The following HAUS4 variants were observed in gnomAD, a reference collection of about 807,000 sequenced individuals.
The protein encoded by HAUS4 is HAUS augmin-like complex subunit 4.
HAUS4 carries 34 observed loss-of-function variants against 50.6 expected under a neutral mutation model. The observed-to-expected ratio is 0.67, with a 90% CI of 0.51 to 0.90. The LOEUF is 0.90. HAUS4 is among the 40% of genes least tolerant of loss of function. HAUS4 has a pLI of 0.00. For missense variants in HAUS4, 370 were observed against 428.7 expected, an observed-to-expected ratio of 0.86 and a Z score of 1.21; for synonymous variants, 149 against 161.4, an observed-to-expected ratio of 0.92 and a Z score of 0.58.
intron 6 of HAUS4, among the ~76,000 whole-genome samples, chr14:22,949,685 C>T (rs542870283): frequency 4.6e-5 from 7 of 152,120 alleles, no homozygotes; most frequent in Non-Finnish European, 1.0e-4. Context: ...GTATTATACC[C>T]TCCAAGCTTA....
Position 22,946,595 on chromosome 14 carries a change from T to C in HAUS4, c.1022A>G (p.Tyr341Cys), listed in dbSNP as rs1423514907. ...CTCTGTTGCCTGCTTGAGTACGGTG[T>C]ACTCTTTCACCAGCCTGTCAAACTC... ...GEEFDRLVKE[Y>C]TVLKQATENK... is the part of the protein sequence containing the mutation. The change falls in exon 10 of 10, where the codon TAC becomes TGC. Residue 341 changes from tyrosine to cysteine, a missense_variant. Tyr to Cys is a radical substitution (Grantham distance 194). Coordinates refer to ENST00000541587, the MANE Select transcript of HAUS4 (RefSeq NM_001166269.2). The C allele has an allele frequency of 6.2e-7, 1 of 1,614,088 alleles. No homozygotes were observed.
intron 6 of HAUS4, chr14:22,948,215 A>G: frequency 1.8e-6 from 1 of 552,080 alleles, no homozygotes; most frequent in Non-Finnish European, 3.1e-6. Flanking sequence ...TTGGGAGGCC[A>G]AGGCAGGAGG....
chr14:22,950,038 G>A (rs1170015465), intron 6 of HAUS4, among the ~76,000 whole-genome samples: 2 of 150,486 alleles, frequency 1.3e-5, no homozygotes, highest in Non-Finnish European at 2.9e-5. Flanking sequence ...TGAGGCAGGA[G>A]AATCACTTGA....
intron 6 of HAUS4, among the ~76,000 whole-genome samples, 186 bp downstream of exon 6, chr14:22,950,128 C>CAAAAAAAAAAAAAACAAAAAAA (rs2044725046): frequency 8.9e-6 from 1 of 112,142 alleles, no homozygotes. Context: ...AACGCCATCT[C>CAAAAAAAAAAAAAACAAAAAAA]AAAAAAAAAA....
chr14:22,956,224 G>A (rs143326931), intron 1 of HAUS4, among the ~76,000 whole-genome samples: 131 of 152,278 alleles, frequency 8.6e-4, no homozygotes, highest in African/African-American at 2.9e-3. Context: ...TCGGCCGGCC[G>A]TTGCTTCTGA....
intron 5 of HAUS4, among the ~76,000 whole-genome samples, chr14:22,951,227 A>G (rs1035944227): frequency 6.7e-6 from 1 of 149,098 alleles, no homozygotes; most frequent in African/African-American, 2.5e-5. Flanking sequence ...CTGGTCTTGA[A>G]CTCCTGAACT....
In HAUS4 at chr14:22,957,071, C is replaced by T. The variant is rs1194501493; in HGVS notation, c.-178G>A. On this transcript the variant is annotated 5_prime_UTR_variant, in exon 1 of 10. Coordinates refer to ENST00000541587, the MANE Select transcript of HAUS4 (RefSeq NM_001166269.2). The stretch of plus-strand genomic sequence containing the variant: ...CGCAGGGGCTGGGGGAAGCGAGGCC[C>T]GGAAAGACCAAGCTGAAAGGCCCGG... The T allele has an allele frequency of 6.5e-6, 1 of 153,214 alleles. No individual in the cohort carries two copies. Among genetic ancestry groups the T allele is most frequent in the South Asian group, 2.1e-4 (1 of 4,874 alleles). 9.5% of individuals were successfully genotyped at this position (153,214 alleles called of 1,614,324 possible).
intron 6 of HAUS4, among the ~76,000 whole-genome samples, chr14:22,948,491 A>C (rs1179150914): frequency 6.6e-6 from 1 of 150,694 alleles, no homozygotes; most frequent in Non-Finnish European, 1.5e-5. Flanking sequence ...ATAATTATTA[A>C]ATAAATTATC....
In HAUS4 at chr14:22,951,610, G is replaced by A. The variant is rs370913624; in HGVS notation, c.410C>T (p.Pro137Leu). The A allele has an allele frequency of 4.3e-6, 7 of 1,613,938 alleles. No homozygotes were observed. The highest frequency in any genetic ancestry group is 1.3e-5 in the African/African-American group (1 of 74,916). ...LLGPSQEREI[P>L]PLLGLEKADL... The stretch of plus-strand genomic sequence containing the variant: ...CGCTTTCTCCAGCCCCAGCAGTGGA[G>A]GTATCTCCCTCTCCTGGCTAGGACC... Residue 137 changes from proline to leucine, a missense_variant, in exon 5 of 10, where the codon CCT becomes CTT. Physicochemically the swap from Pro to Leu is moderately conservative, Grantham distance 98. Coordinates refer to ENST00000541587, the MANE Select transcript of HAUS4 (RefSeq NM_001166269.2).
At chr14:22,949,511 A>G (rs1340061300) in intron 6 of HAUS4, among the ~76,000 whole-genome samples, 3 of 142,292 alleles carry the variant, frequency 2.1e-5, no homozygotes, top group Non-Finnish European at 4.6e-5. Flanking sequence ...CCTGGGGGAC[A>G]GAGCGAGACT....
intron 2 of HAUS4, among the ~76,000 whole-genome samples, chr14:22,953,269 G>T (rs2044791995): frequency 6.6e-6 from 1 of 151,214 alleles, no homozygotes; most frequent in African/African-American, 2.4e-5. Context: ...TCCACCTCCT[G>T]AGGAGCTGAG....
chr14:22,953,523 G>A (rs2044797945), intron 2 of HAUS4, among the ~76,000 whole-genome samples: 1 of 152,126 alleles, frequency 6.6e-6, no homozygotes, highest in South Asian at 2.1e-4. Flanking sequence ...TCGGCTCACT[G>A]CAATTTCCAC....
intron 9 of HAUS4, 73 bp from the exon 10 acceptor site, chr14:22,946,781 C>A: frequency 5.9e-5 from 35 of 596,690 alleles, no homozygotes; most frequent in Non-Finnish European, 8.2e-5. Flanking sequence ...AAATGAAAAA[C>A]TTTTTTTTTT....
rs1017838364 is a variant in HAUS4, at chr14:22,948,991, C to T, written c.563-978G>A. 6.0e-5 allele frequency among the ~76,000 whole-genome samples: 9 copies of T among 150,180 alleles called. No homozygotes were observed. In the East Asian group the frequency reaches 6.2e-4, roughly 10 times the overall value. ...CCAACATGGTGAAAACCTGTCTCTACTAAAAATACAAAAAAATTAGCTGGG... is the reference window on the plus strand; with the variant it reads ...CCAACATGGTGAAAACCTGTCTCTATTAAAAATACAAAAAAATTAGCTGGG... On this transcript the variant is annotated intron_variant, in intron 6 of 9. Coordinates refer to ENST00000541587, the MANE Select transcript of HAUS4 (RefSeq NM_001166269.2).
chr14:22,947,415 C>A, intron 8 of HAUS4, 176 bp from the exon 9 acceptor site: 2 of 738,368 alleles, frequency 2.7e-6, no homozygotes, highest in Non-Finnish European at 4.5e-6. Context: ...TTTCAGAAGA[C>A]TGTAAAAGAA....
chr14:22,954,775 G>C lies in HAUS4; in HGVS notation c.55+325C>G, dbSNP rs970377798. The C allele has an allele frequency of 1.0e-3, 203 of 202,654 alleles. 3 individuals are homozygous for C. The highest frequency in any genetic ancestry group is 2.9e-4 in the Non-Finnish European group (29 of 101,572). The allele number at this position is 202,654 out of a possible 1,614,324, so 12.6% of individuals were successfully genotyped here. ...GAGTCTTGCTCTGTTGCCCAGGCTG[G>C]AGTACAGTGGCACGATCTCAGCTCA... On this transcript the variant is annotated intron_variant, in intron 2 of 9. Transcript: ENST00000541587.
At position 22,951,683 on chromosome 14, in the gene HAUS4, C is replaced by T. The variant is rs748897946; in HGVS notation, c.337G>A (p.Glu113Lys). ...NVTSEDKKFH[E>K]TLEQRLLVTE... ...ACAAGCAGCCGCTGTTCAAGGGTCT[C>T]ATGAAACTGAGAGAGAGAGAATAAA... is the stretch of plus-strand genomic sequence containing the variant. The change falls in exon 5 of 10, where the codon GAG becomes AAG. Residue 113 changes from glutamate (E) to lysine (K), a missense_variant. Coordinates refer to ENST00000541587, the MANE Select transcript of HAUS4 (RefSeq NM_001166269.2). The T allele has an allele frequency of 3.1e-6, 5 of 1,603,176 alleles. No individual in the cohort carries two copies. In the African/African-American group the frequency reaches 5.4e-5, roughly 17 times the overall value.
rs755902201 is a variant in HAUS4 at position 22,947,215 on chromosome 14, G to A, written c.864C>T (p.Ser288=). ...KLRMEELKIL[S]DTYTVEKVEV... is the part of the protein sequence containing the mutation. Reference sequence around the variant, plus strand: ...CCACTTTCTCAACAGTGTAAGTGTCGGACAAAATCTTTAGCTCCTCCATCC... The same window carrying A: ...CCACTTTCTCAACAGTGTAAGTGTCAGACAAAATCTTTAGCTCCTCCATCC... The change falls in exon 9 of 10, where the codon TCC becomes TCT. Residue 288 remains serine, a synonymous_variant. Transcript: ENST00000541587. 1.9e-5 allele frequency: 31 copies of A among 1,608,854 alleles called. No homozygotes were observed. The highest frequency in any genetic ancestry group is 1.1e-4 in the East Asian group (5 of 44,858).
rs1031369640 is a variant in HAUS4 at position 22,952,788 on chromosome 14, T to C, written c.56-105A>G. The C allele has an allele frequency of 1.0e-5, 9 of 870,778 alleles. No homozygotes were observed. The African/African-American group carries it at 1.5e-4, about 15-fold the overall frequency. 53.9% of individuals were successfully genotyped at this position (870,778 alleles called of 1,614,324 possible). On this transcript the variant is annotated intron_variant, in intron 2 of 9. Transcript: ENST00000541587. ...ACTTCCAAAAAACCCCTAGGATTTT[T>C]ATAGGAAAGATTGCTAAATCTAATG...
Sources: gnomAD v4.1 joint callset for allele counts (sites outside exome capture counted in the v4.1 genomes callset) on GRCh38, gnomAD v4.1.1 for gene constraint, MANE v1.5 for transcripts, NCBI Gene and HGNC (gene_info 2026-07-23, HGNC 2026-07-21) for gene names.